KIAA1328: variants seen among roughly 807,000 people sequenced by gnomAD.
KIAA1328 encodes the protein KIAA1328.
KIAA1328 carries 52 observed loss-of-function variants against 68.1 expected under a neutral mutation model. The observed-to-expected ratio is 0.76, with a 90% CI of 0.61 to 0.96. The LOEUF (loss-of-function observed/expected upper bound fraction) is 0.96. KIAA1328 is among the 40% of genes least tolerant of loss of function. The probability of loss-of-function intolerance (pLI) is 0.00; values close to 1 mark genes in which losing one functional copy is unlikely to be tolerated. For synonymous variants in KIAA1328, 232 were observed against 239.4 expected, an observed-to-expected ratio of 0.97 and a Z score of 0.28; for missense variants, 641 against 677.6, an observed-to-expected ratio of 0.95 and a Z score of 0.60.
chr18:36,890,450 C>A (rs2048646557), intron 5 of KIAA1328, among the ~76,000 whole-genome samples: 1 of 152,088 alleles, frequency 6.6e-6, no homozygotes, highest in Non-Finnish European at 1.5e-5. Context: ...GCAGGCGGAT[C>A]ACCTGAGGTT....
intron 4 of KIAA1328, among the ~76,000 whole-genome samples, chr18:36,845,710 C>G (rs1307189075): frequency 6.6e-6 from 1 of 151,584 alleles, no homozygotes; most frequent in African/African-American, 2.4e-5. Context: ...CAAGTCAGTG[C>G]AGTGCTGGCA....
chr18:37,127,428 G>A (rs1027189953), intron 7 of KIAA1328, among the ~76,000 whole-genome samples: 1 of 152,098 alleles, frequency 6.6e-6, no homozygotes, highest in African/African-American at 2.4e-5. Context: ...GAAACCCATG[G>A]CCAGGTGCAG....
At chr18:37,100,021 CTT>C (rs1335930914) in intron 7 of KIAA1328, among the ~76,000 whole-genome samples, 1 of 152,160 alleles carries the variant, frequency 6.6e-6, no homozygotes, top group African/African-American at 2.4e-5. Flanking sequence ...GGTCTTGACT[CTT>C]TATCCAATTT....
At chr18:36,928,813 T>A (rs2050213935) in intron 5 of KIAA1328, among the ~76,000 whole-genome samples, 1 of 152,212 alleles carries the variant, frequency 6.6e-6, no homozygotes, top group Admixed American at 6.5e-5. Flanking sequence ...CCATTATCTC[T>A]TCTGCCCCCT....
At chr18:37,066,682 A>G (rs1157538984) in intron 6 of KIAA1328, among the ~76,000 whole-genome samples, 2 of 152,198 alleles carry the variant, frequency 1.3e-5, no homozygotes, top group African/African-American at 4.8e-5. Context: ...TTATCTTTAT[A>G]TAGATTTACT....
chr18:36,995,465 A>G (rs1306758935), intron 6 of KIAA1328, among the ~76,000 whole-genome samples: 4 of 152,128 alleles, frequency 2.6e-5, no homozygotes, highest in African/African-American at 9.7e-5. Flanking sequence ...TTTTGTTGGT[A>G]TCTTTTCCAG....
intron 8 of KIAA1328, 45 bp downstream of exon 8, chr18:37,160,426 A>G (rs773934427): frequency 6.5e-6 from 10 of 1,531,296 alleles, no homozygotes; most frequent in African/African-American, 2.8e-5. Context: ...CTGGTAGGGG[A>G]AGGTAGTTGC....
At chr18:37,014,557 G>C (rs2054085480) in intron 6 of KIAA1328, among the ~76,000 whole-genome samples, 1 of 152,174 alleles carries the variant, frequency 6.6e-6, no homozygotes, top group Admixed American at 6.5e-5. Context: ...GGCTGTACAG[G>C]AAGCATGGCA....
chr18:37,012,893 G>A (rs1337716700), intron 6 of KIAA1328, among the ~76,000 whole-genome samples: 2 of 151,990 alleles, frequency 1.3e-5, no homozygotes, highest in East Asian at 3.9e-4. Flanking sequence ...TATTGTTTCA[G>A]AATTGAAAAG....
chr18:37,208,388 GA>G (rs1327974019), intron 9 of KIAA1328, among the ~76,000 whole-genome samples: 1 of 152,200 alleles, frequency 6.6e-6, no homozygotes, highest in African/African-American at 2.4e-5. Flanking sequence ...AAAGTCTTTT[GA>G]ATTGAGAGAA....
downstream of KIAA1328, chr18:37,229,533 A>AT (rs1372852621): frequency 1.6e-6 from 2 of 1,269,388 alleles, no homozygotes; most frequent in Non-Finnish European, 1.0e-6. Flanking sequence ...TGGGAGGGTC[A>AT]TTTTTTACTT....
rs1312167042 is a variant in KIAA1328, at chr18:37,221,303, A to G, written c.1524-714A>G. On this transcript the variant is annotated intron_variant, in intron 9 of 9. Transcript: ENST00000280020. ...AGGAACTAACATTTATTCAGTGCCTATTATGTATTCATTTATATCAATGAA... is the reference window on the plus strand; with the variant it reads ...AGGAACTAACATTTATTCAGTGCCTGTTATGTATTCATTTATATCAATGAA... Among the ~76,000 whole-genome samples the G allele has an allele frequency of 3.3e-5, 5 of 152,240 alleles. No individual in the cohort carries two copies. The South Asian group carries it at 8.3e-4, about 25-fold the overall frequency.
intron 1 of KIAA1328, chr18:36,833,401 A>G (rs1041189389): frequency 2.6e-5 from 4 of 152,242 alleles, no homozygotes; most frequent in African/African-American, 9.6e-5. Flanking sequence ...AGGAGCTTGC[A>G]TAGCTTGTTA....
intron 6 of KIAA1328, among the ~76,000 whole-genome samples, chr18:37,008,165 C>T (rs1347804944): frequency 3.9e-5 from 6 of 152,156 alleles, no homozygotes; most frequent in Non-Finnish European, 5.9e-5. Flanking sequence ...CAAGAGGAAC[C>T]AGGAAAAGGG....
At chr18:36,860,093 C>T (rs1010991113) in intron 4 of KIAA1328, among the ~76,000 whole-genome samples, 1 of 151,788 alleles carries the variant, frequency 6.6e-6, no homozygotes, top group African/African-American at 2.4e-5. Flanking sequence ...TGGGGATCTT[C>T]TGTGTATATT....
At chr18:37,122,905 A>G (rs2058307199) in intron 7 of KIAA1328, among the ~76,000 whole-genome samples, 12 of 152,172 alleles carry the variant, frequency 7.9e-5, no homozygotes, top group Admixed American at 7.9e-4. Context: ...GATTTTAAAA[A>G]TAATGAATTT....
intron 6 of KIAA1328, among the ~76,000 whole-genome samples, chr18:37,036,556 T>C (rs1027818193): frequency 2.6e-5 from 4 of 152,150 alleles, no homozygotes; most frequent in Non-Finnish European, 1.5e-5. Context: ...ACAATTTGAG[T>C]TGATTAGTTC....
chr18:36,918,102 TTTTGA>T (rs2049777492), intron 5 of KIAA1328, among the ~76,000 whole-genome samples: 2 of 152,278 alleles, frequency 1.3e-5, no homozygotes, highest in East Asian at 3.9e-4. Context: ...GTTATTTTTC[TTTTGA>T]TTTGTGTCAT....
intron 5 of KIAA1328, chr18:36,924,839 AT>A (rs1299870541): frequency 6.6e-6 from 1 of 152,194 alleles, no homozygotes; most frequent in Non-Finnish European, 1.5e-5. Context: ...AGAAGATAAC[AT>A]TTCAAGGAGG....
Sources: gnomAD v4.1 joint callset for allele counts (sites outside exome capture counted in the v4.1 genomes callset) on GRCh38, gnomAD v4.1.1 for gene constraint, MANE v1.5 for transcripts, NCBI Gene and HGNC (gene_info 2026-07-23, HGNC 2026-07-21) for gene names.